HIPK2: variants seen among roughly 807,000 people sequenced by gnomAD.
The protein encoded by HIPK2 is homeodomain-interacting protein kinase 2.
In HIPK2, 27 loss-of-function variants were observed where a neutral mutation model predicts 113.7. The observed-to-expected ratio is 0.24, with a 90% CI of 0.17 to 0.33. HIPK2 has a LOEUF of 0.33. HIPK2 is among the 10% of genes least tolerant of loss of function. The pLI is 1.00. For missense variants in HIPK2, 1,257 were observed against 1,588.0 expected, an observed-to-expected ratio of 0.79 and a Z score of 3.54; for synonymous variants, 631 against 642.2, an observed-to-expected ratio of 0.98 and a Z score of 0.26.
At chr7:139,656,251 T>C (rs1801665932) in intron 2 of HIPK2, among the ~76,000 whole-genome samples, 2 of 152,012 alleles carry the variant, frequency 1.3e-5, no homozygotes, top group Non-Finnish European at 2.9e-5. Flanking sequence ...CTTAAGTATC[T>C]CTAATTGGAT....
chr7:139,627,296 GTCTA>G (rs1320977864), intron 5 of HIPK2, among the ~76,000 whole-genome samples: 1 of 114,872 alleles, frequency 8.7e-6, no homozygotes, highest in Admixed American at 8.4e-5. Flanking sequence ...ATACAAAAAA[GTCTA>G]TGTATGTATG....
intron 1 of HIPK2, among the ~76,000 whole-genome samples, chr7:139,727,319 G>A (rs1018419796): frequency 5.9e-5 from 9 of 152,098 alleles, no homozygotes; most frequent in African/African-American, 2.2e-4. Context: ...GGCTGGGAAT[G>A]AGCCAATAGC....
In HIPK2 at chr7:139,572,526, C is replaced by T. The variant is rs1306927077; in HGVS notation, c.*401G>A. The T allele has an allele frequency of 5.9e-6, 1 of 170,296 alleles. No homozygotes were observed. Among genetic ancestry groups the T allele is most frequent in the Non-Finnish European group, 1.2e-5 (1 of 80,872 alleles). 10.5% of individuals were successfully genotyped at this position (170,296 alleles called of 1,614,324 possible). ...AAGTTCTTCAAAAACTGGGGCCCCC[C>T]GTTTCTGGAATCTTCCTGTTGCTCT... On this transcript the variant is annotated 3_prime_UTR_variant, in exon 15 of 15. Coordinates refer to ENST00000406875, the MANE Select transcript of HIPK2 (RefSeq NM_022740.5).
At position 139,613,233 on chromosome 7, in the gene HIPK2, G is replaced by A. The variant is rs746224330; in HGVS notation, c.2081C>T (p.Pro694Leu). ...AAGCAGACCTGGTTGGATCTGAAGA[G>A]GCTGAGCTCCTGGGGCTTGAGTGAC... The part of the protein sequence containing the change: ...PIVTQAPGAQ[P>L]LQIQPGLLAQ... The change falls in exon 9 of 15, where the codon CCT becomes CTT. Residue 694 changes from proline (P) to leucine (L), a missense_variant. Physicochemically the swap from Pro to Leu is moderately conservative, Grantham distance 98. Transcript: ENST00000406875. This position sits in a 1 kb window ranked among gnomAD's most constrained non-coding sequence, Gnocchi z 4.2. 1 of 1,613,754 alleles carries A rather than the reference G, an allele frequency of 6.2e-7. No homozygotes were observed. Among genetic ancestry groups the A allele is most frequent in the African/African-American group, 1.3e-5 (1 of 74,902 alleles).
intron 1 of HIPK2, among the ~76,000 whole-genome samples, chr7:139,753,904 G>A (rs188476058): frequency 1.3e-5 from 2 of 152,378 alleles, no homozygotes; most frequent in East Asian, 1.9e-4. Flanking sequence ...CATTTAGGGA[G>A]ATATGATACT....
intron 10 of HIPK2, 128 bp from the exon 11 acceptor site, chr7:139,600,724 T>C: frequency 9.5e-7 from 1 of 1,048,486 alleles, no homozygotes; most frequent in Non-Finnish European, 1.4e-6. Flanking sequence ...GTGCAGCTGC[T>C]GAAGGGATGA....
intron 2 of HIPK2, among the ~76,000 whole-genome samples, chr7:139,674,997 C>T (rs144489073): frequency 5.3e-4 from 81 of 152,280 alleles, no homozygotes; most frequent in African/African-American, 1.9e-3. Flanking sequence ...AAGGCTAATG[C>T]TGGGAAACGT....
intron 1 of HIPK2, among the ~76,000 whole-genome samples, chr7:139,734,986 C>T (rs1795897377): frequency 6.6e-6 from 1 of 152,124 alleles, no homozygotes; most frequent in South Asian, 2.1e-4. Flanking sequence ...AGAATATCTA[C>T]CAACTTGGTA....
chr7:139,733,664 A>G (rs1472321012), intron 1 of HIPK2, among the ~76,000 whole-genome samples: 2 of 152,244 alleles, frequency 1.3e-5, no homozygotes, highest in African/African-American at 4.8e-5. Flanking sequence ...TAAAATATAC[A>G]TATTCAAATT....
At position 139,604,090 on chromosome 7, in the gene HIPK2, G is replaced by A. The variant is rs778426702; in HGVS notation, c.2246C>T (p.Ala749Val). The change falls in exon 10 of 15, where the codon GCG becomes GTG. Residue 749 changes from alanine to valine, a missense_variant. This residue lies in a region of HIPK2 where 862 missense variants were observed against 1,004.3 expected (regional missense o/e 0.86). Transcript: ENST00000406875. Reference sequence around the variant, plus strand: ...GGGGTTTCCTGCTTACCTCCAGTCCGCCAGCTGCTGGGTGCCTGCCATGGT... The same window carrying A: ...GGGGTTTCCTGCTTACCTCCAGTCCACCAGCTGCTGGGTGCCTGCCATGGT... Reference protein sequence around the residue: ...PETMAGTQQLADWRNTHAHGS... With the variant: ...PETMAGTQQLVDWRNTHAHGS... 2.7e-5 allele frequency: 43 copies of A among 1,613,644 alleles called. No individual in the cohort carries two copies. Among genetic ancestry groups the A allele is most frequent in the Admixed American group, 6.7e-5 (4 of 59,986 alleles).
chr7:139,698,462 G>T (rs1318177708), intron 2 of HIPK2, among the ~76,000 whole-genome samples: 1 of 152,116 alleles, frequency 6.6e-6, no homozygotes, highest in South Asian at 2.1e-4. Context: ...CACTTCTTTT[G>T]GGTGTATACC....
chr7:139,634,639 A>G (rs1347910252), intron 2 of HIPK2, among the ~76,000 whole-genome samples: 3 of 148,214 alleles, frequency 2.0e-5, no homozygotes, highest in Non-Finnish European at 4.4e-5. Context: ...AAAACATCAC[A>G]TCCCTTAGAA....
chr7:139,665,321 G>A (rs1336718809), intron 2 of HIPK2, among the ~76,000 whole-genome samples: 3 of 152,206 alleles, frequency 2.0e-5, no homozygotes, highest in South Asian at 4.1e-4. Context: ...TTACAGGTGT[G>A]ACCCGCTGTG....
chr7:139,726,616 T>A (rs1205577762), intron 1 of HIPK2, among the ~76,000 whole-genome samples: 2 of 152,222 alleles, frequency 1.3e-5, no homozygotes, highest in Non-Finnish European at 2.9e-5. Flanking sequence ...CTTAATTTAC[T>A]GAAGTGTCAG....
chr7:139,703,166 G>A (rs993121124), intron 2 of HIPK2, among the ~76,000 whole-genome samples: 13 of 152,066 alleles, frequency 8.5e-5, no homozygotes, highest in Non-Finnish European at 1.6e-4. Context: ...GGTCATTAGG[G>A]GTAAATAGAT....
chr7:139,652,335 C>T (rs940571262), intron 2 of HIPK2, among the ~76,000 whole-genome samples: 1 of 152,176 alleles, frequency 6.6e-6, no homozygotes, highest in Non-Finnish European at 1.5e-5. Context: ...GGAAGGCATT[C>T]TGTCTGCCTC....
rs758389219 is a variant in HIPK2 at position 139,572,957 on chromosome 7, G to A, written c.3567C>T (p.Pro1189=). 8 of 1,581,188 alleles carry A rather than the reference G, an allele frequency of 5.1e-6. No homozygotes were observed. The highest frequency in any genetic ancestry group is 1.7e-4 in the Middle Eastern group (1 of 5,894). Residue 1189 remains proline, a synonymous_variant, in exon 15 of 15, where the codon CCC becomes CCT. Transcript: ENST00000406875. ...TGTAAGGGTACTGGTTGACCTTGGC[G>A]GGGCTCAGTGGGTATCCAGTGTAGA... is the stretch of plus-strand genomic sequence containing the variant. ...STVYTGYPLS[P]AKVNQYPYI is the part of the protein sequence containing the mutation.
intron 1 of HIPK2, among the ~76,000 whole-genome samples, chr7:139,744,388 T>C (rs774266364): frequency 6.6e-6 from 1 of 151,600 alleles, no homozygotes; most frequent in Non-Finnish European, 1.5e-5. Context: ...AGACAGAAAA[T>C]AGATTAGTGG....
intron 9 of HIPK2, among the ~76,000 whole-genome samples, chr7:139,608,944 G>A (rs1465992147): frequency 6.6e-6 from 1 of 152,172 alleles, no homozygotes; most frequent in East Asian, 1.9e-4. Context: ...AAGAAATAAA[G>A]TAAATAAGTA....
Sources: gnomAD v4.1 joint callset for allele counts (sites outside exome capture counted in the v4.1 genomes callset) on GRCh38, gnomAD v4.1.1 for gene constraint, gnomAD v4.1.1 regional missense constraint, Gnocchi (gnomAD v3.1) non-coding constraint, MANE v1.5 for transcripts, NCBI Gene and HGNC (gene_info 2026-07-23, HGNC 2026-07-21) for gene names.